The following LIMA1 variants were observed in gnomAD, a reference collection of about 807,000 sequenced individuals.
The protein encoded by LIMA1 is LIM domain and actin-binding protein 1.
Under a neutral mutation model 62.6 loss-of-function variants are expected in LIMA1, and 52 were observed. The ratio of observed to expected loss-of-function variants is 0.83; its 90% CI spans 0.67 to 1.05. The LOEUF (loss-of-function observed/expected upper bound fraction) is 1.05. Ranked by LOEUF, LIMA1 falls within the 50% of genes least tolerant of loss-of-function variation. The pLI, the probability that LIMA1 is intolerant of heterozygous loss-of-function variation, is 0.00. For synonymous variants in LIMA1, 302 were observed against 317.8 expected (o/e 0.95, Z 0.53); for missense variants, 780 against 902.2 (o/e 0.86, Z 1.74).
At chr12:50,240,318 G>A (rs1395853582) in intron 2 of LIMA1, among the ~76,000 whole-genome samples, 1 of 152,124 alleles carries the variant, frequency 6.6e-6, no homozygotes, top group East Asian at 1.9e-4. Flanking sequence ...GGGCCATGCA[G>A]GTAATGCTAA....
chr12:50,177,186 T>C lies in LIMA1; in HGVS notation c.2158A>G (p.Thr720Ala). 1.2e-6 allele frequency: 2 copies of C among 1,614,166 alleles called. No individual in the cohort carries two copies. Among genetic ancestry groups the C allele is most frequent in the South Asian group, 1.1e-5 (1 of 91,054 alleles). Reference protein sequence around the residue: ...FVDNTFAEEFTTQNQKSQDVE... With the variant: ...FVDNTFAEEFATQNQKSQDVE... ...TCCTGGGATTTCTGATTCTGAGTAG[T>C]GAATTCTTCAGCAAAGGTGTTGTCT... The change falls in exon 11 of 11, where the codon ACT (threonine) becomes GCT (alanine). Residue 720 changes from threonine (T) to alanine (A), a missense_variant. Thr to Ala is a moderately conservative substitution (Grantham distance 58). Coordinates refer to ENST00000341247, the MANE Select transcript of LIMA1 (RefSeq NM_016357.5).
chr12:50,237,897 A>G (rs1325434892), intron 2 of LIMA1, among the ~76,000 whole-genome samples: 1 of 152,196 alleles, frequency 6.6e-6, no homozygotes, highest in Non-Finnish European at 1.5e-5. Flanking sequence ...CATGCAAAAA[A>G]ATGAAATTGG....
chr12:50,264,813 G>A (rs532482255), intron 1 of LIMA1, among the ~76,000 whole-genome samples: 1 of 152,250 alleles, frequency 6.6e-6, no homozygotes, highest in African/African-American at 2.4e-5. Flanking sequence ...CTTACTTTAT[G>A]TGTCATATTG....
chr12:50,250,545 G>A (rs1332271682), intron 1 of LIMA1, among the ~76,000 whole-genome samples: 3 of 118,182 alleles, frequency 2.5e-5, no homozygotes, highest in African/African-American at 3.4e-5. Flanking sequence ...CAGCCTGGGT[G>A]ACAGACCAAG....
intron 3 of LIMA1, among the ~76,000 whole-genome samples, chr12:50,225,017 C>A (rs1458625645): frequency 6.6e-6 from 1 of 151,602 alleles, no homozygotes. Flanking sequence ...ATTCTCATGC[C>A]TCAGCCTCCT....
chr12:50,192,135 C>CA (rs1006030674), intron 9 of LIMA1, among the ~76,000 whole-genome samples: 3,657 of 88,032 alleles, frequency 0.042, 59 homozygotes, highest in Middle Eastern at 0.12. Context: ...GATTCTGTCT[C>CA]AAAAAAAAAA....
chr12:50,223,101 T>C (rs1337315357), intron 3 of LIMA1, among the ~76,000 whole-genome samples: 1 of 152,220 alleles, frequency 6.6e-6, no homozygotes, highest in Non-Finnish European at 1.5e-5. Context: ...ATAATTTACA[T>C]GCATATGAGC....
At chr12:50,181,801 G>C (rs1940507828) in intron 10 of LIMA1, 103 bp downstream of exon 10, 1 of 1,248,342 alleles carries the variant, frequency 8.0e-7, no homozygotes, top group African/African-American at 1.5e-5. Flanking sequence ...GCCTTCAACA[G>C]AATATCATTA....
chr12:50,267,041 C>T (rs1032216529), intron 1 of LIMA1, among the ~76,000 whole-genome samples: 1 of 151,588 alleles, frequency 6.6e-6, no homozygotes, highest in African/African-American at 2.4e-5. Flanking sequence ...ATTACCGGGG[C>T]GTGCCACCAT....
intron 4 of LIMA1, chr12:50,217,760 G>A (rs1592529030): frequency 4.5e-5 from 15 of 336,600 alleles, no homozygotes; most frequent in South Asian, 3.0e-4. Context: ...CCTGACTACC[G>A]TGCTGTGAAT....
At chr12:50,268,207 AC>A in intron 1 of LIMA1, among the ~76,000 whole-genome samples, 1 of 152,262 alleles carries the variant, frequency 6.6e-6, no homozygotes, top group South Asian at 2.1e-4. Context: ...CAGGACACCC[AC>A]CCCTGACTGC....
chr12:50,217,905 CTTTTT>C (rs34408114), intron 4 of LIMA1: 28 of 124,800 alleles, frequency 2.2e-4, no homozygotes, highest in South Asian at 6.9e-4. Context: ...AATTTCTTTT[CTTTTT>C]TTTTTTTTTT....
intron 10 of LIMA1, among the ~76,000 whole-genome samples, chr12:50,181,145 G>GA (rs199778765): frequency 6.8e-6 from 1 of 148,094 alleles, no homozygotes; most frequent in Non-Finnish European, 1.5e-5. Flanking sequence ...GTGCTTTGGA[G>GA]AAAAAAATTA....
chr12:50,206,075 A>G lies in LIMA1; in HGVS notation c.631-7T>C, dbSNP rs1470047392. ...GGCTTTGGGCCCGGAGAATCTGGAA[A>G]ACGAAACCCAACGATAAGTTTTGCA... On this transcript the variant is annotated splice_polypyrimidine_tract_variant and splice_region_variant and intron_variant, in intron 4 of 10. Transcript: ENST00000341247. 4.3e-6 allele frequency: 7 copies of G among 1,609,930 alleles called. No individual in the cohort carries two copies. The highest frequency in any genetic ancestry group is 5.9e-6 in the Non-Finnish European group (7 of 1,177,274).
intron 3 of LIMA1, chr12:50,222,767 G>T: frequency 1.9e-6 from 2 of 1,060,790 alleles, no homozygotes; most frequent in Non-Finnish European, 2.5e-6. Flanking sequence ...CAGCTCTAAT[G>T]ATAGTTACAT....
At chr12:50,235,110 T>A (rs181841249) in intron 2 of LIMA1, among the ~76,000 whole-genome samples, 4 of 151,864 alleles carry the variant, frequency 2.6e-5, no homozygotes, top group African/African-American at 4.8e-5. Flanking sequence ...TTTAAAAAAA[T>A]TTTTTTTAGT....
chr12:50,246,070 A>G lies in LIMA1; in HGVS notation c.119+2563T>C, dbSNP rs1368061467. Among the ~76,000 whole-genome samples the G allele has an allele frequency of 2.0e-5, 3 of 151,890 alleles. No individual in the cohort carries two copies. The East Asian group carries it at 5.8e-4, about 29-fold the overall frequency. On this transcript the variant is annotated intron_variant, in intron 2 of 10. Coordinates refer to ENST00000341247, the MANE Select transcript of LIMA1 (RefSeq NM_016357.5). ...AATATGATGAAATCCCATCTCTACT[A>G]AAAATACAAAAATTAGCCGGGCATG...
At chr12:50,217,483 G>A (rs1592528729) in intron 4 of LIMA1, among the ~76,000 whole-genome samples, 1 of 151,306 alleles carries the variant, frequency 6.6e-6, no homozygotes, top group East Asian at 1.9e-4. Flanking sequence ...CCTGGCCTTT[G>A]AAGTAAAATC....
chr12:50,202,738 C>G (rs1454760885), intron 6 of LIMA1, among the ~76,000 whole-genome samples: 1 of 152,132 alleles, frequency 6.6e-6, no homozygotes, highest in African/African-American at 2.4e-5. Flanking sequence ...AGAATGTATA[C>G]TTAATAATGT....
Sources: gnomAD v4.1 joint callset for allele counts (sites outside exome capture counted in the v4.1 genomes callset) on GRCh38, gnomAD v4.1.1 for gene constraint, MANE v1.5 for transcripts, NCBI Gene and HGNC (gene_info 2026-07-23, HGNC 2026-07-21) for gene names.